Variants in ARID1A observed in about 807,000 individuals in gnomAD.
The protein encoded by ARID1A is AT-rich interactive domain-containing protein 1A.
A neutral mutation model predicts 212.6 loss-of-function variants in ARID1A; 20 were observed. The ratio of observed to expected loss-of-function variants is 0.09; its 90% CI spans 0.07 to 0.14. The LOEUF (loss-of-function observed/expected upper bound fraction) is 0.14, where lower values mean the gene tolerates loss of function less well. ARID1A is among the 10% of genes least tolerant of loss of function. The probability of loss-of-function intolerance (pLI) is 1.00; values close to 1 mark genes in which losing one functional copy is unlikely to be tolerated. For missense variants in ARID1A, 2,587 were observed against 3,059.0 expected, an observed-to-expected ratio of 0.85 and a Z score of 3.64; for synonymous variants, 1,376 against 1,222.1, an observed-to-expected ratio of 1.13 and a Z score of -2.63.
In ARID1A at chr1:26,732,764, G is replaced by C. The variant is rs748512916; in HGVS notation, c.1892G>C (p.Ser631Thr). Residue 631 changes from serine (S) to threonine (T), a missense_variant, in exon 4 of 20, where the codon AGC (serine) becomes ACC (threonine). Around this residue, in one of 11 missense-constraint regions of ARID1A, gnomAD observed 674 missense variants for 813.4 expected, o/e 0.83. Coordinates refer to ENST00000324856, the MANE Select transcript of ARID1A (RefSeq NM_006015.6). ...GGAGGGCAAGAAGATATGAACCTGA[G>C]CCTTCAGTCAAGACCCTCCAGCTTG... The part of the protein sequence containing the change: ...SKGGQEDMNL[S>T]LQSRPSSLPD... The C allele has an allele frequency of 3.9e-5, 63 of 1,613,938 alleles. No homozygotes were observed. Among genetic ancestry groups the C allele is most frequent in the Non-Finnish European group, 5.1e-5 (60 of 1,179,936 alleles).
Position 26,761,365 on chromosome 1 carries a change from T to A in ARID1A, c.2162-19T>A, listed in dbSNP as rs201805536. 2.5e-6 allele frequency: 4 copies of A among 1,613,598 alleles called. No individual in the cohort carries two copies. Among genetic ancestry groups the A allele is most frequent in the Non-Finnish European group, 3.4e-6 (4 of 1,179,586 alleles). On this transcript the variant is annotated intron_variant, in intron 5 of 19. Coordinates refer to ENST00000324856, the MANE Select transcript of ARID1A (RefSeq NM_006015.6). ...AGGCTTAGCCATGATATGCTTATGT[T>A]GTTCTTTGTCTGGAGCAGGCAACCA...
chr1:26,776,040 C>T (rs2081131801), intron 19 of ARID1A: 2 of 397,310 alleles, frequency 5.0e-6, no homozygotes, highest in South Asian at 2.0e-5. Flanking sequence ...TTAATAGAGA[C>T]GAGGTCTCAC....
chr1:26,700,755 C>G (rs2080324798), intron 1 of ARID1A, among the ~76,000 whole-genome samples: 1 of 152,240 alleles, frequency 6.6e-6, no homozygotes, highest in South Asian at 2.1e-4. Context: ...TATGGGAATG[C>G]CTACTGGCAG....
At position 26,696,939 on chromosome 1, in the gene ARID1A, C is replaced by A; in HGVS notation, c.536C>A (p.Pro179His). ...FHQQHGGQQS[P>H]GLAALQSGGG... ...CAACAACATGGCGGACAACAAAGCC[C>A]TGGCCTGGCAGCGCTGCAGAGCGGC... is the stretch of plus-strand genomic sequence containing the variant. The change falls in exon 1 of 20, where the codon CCT (proline) becomes CAT (histidine). Residue 179 changes from proline (P) to histidine (H), a missense_variant. Physicochemically the swap from Pro to His is moderately conservative, Grantham distance 77 (BLOSUM62 -2). This residue lies in a region of ARID1A where 735 missense variants were observed against 590.6 expected (regional missense o/e 1.24). Transcript: ENST00000324856. 4 of 1,450,772 alleles carry A rather than the reference C, an allele frequency of 2.8e-6. No individual in the cohort carries two copies. Among genetic ancestry groups the A allele is most frequent in the Non-Finnish European group, 3.6e-6 (4 of 1,108,262 alleles). The allele number at this position is 1,450,772 out of a possible 1,614,324, so 89.9% of individuals were successfully genotyped here.
chr1:26,697,333 C>T lies in ARID1A; in HGVS notation c.930C>T (p.Gly310=). 3.0e-6 allele frequency: 4 copies of T among 1,336,306 alleles called. No homozygotes were observed. Among genetic ancestry groups the T allele is most frequent in the African/African-American group, 1.5e-5 (1 of 65,290 alleles). 82.8% of individuals were successfully genotyped at this position (1,336,306 alleles called of 1,614,324 possible). ...CCAGCTCGGCCCGGGGCTACCAGGG[C>T]TACCCCGGGGGCGACTACAGTGGCG... ...TSPSSARGYQ[G]YPGGDYSGGP... Residue 310 remains glycine (G), a synonymous_variant, in exon 1 of 20, where the codon GGC becomes GGT. Transcript: ENST00000324856.
chr1:26,707,662 G>C (rs752041062), intron 1 of ARID1A, among the ~76,000 whole-genome samples: 1 of 152,116 alleles, frequency 6.6e-6, no homozygotes, highest in African/African-American at 2.4e-5. Flanking sequence ...ACTTTCAAAT[G>C]ATGGCCACCA....
chr1:26,717,890 ATC>A (rs2080518466), intron 1 of ARID1A, among the ~76,000 whole-genome samples: 1 of 152,198 alleles, frequency 6.6e-6, no homozygotes, highest in Non-Finnish European at 1.5e-5. Context: ...AGGTAGAAGG[ATC>A]TATGAATACA....
intron 1 of ARID1A, among the ~76,000 whole-genome samples, chr1:26,712,792 G>C (rs897171647): frequency 1.3e-5 from 2 of 152,210 alleles, no homozygotes; most frequent in Admixed American, 6.5e-5. Flanking sequence ...TTTGAGCCAA[G>C]ACCTGTCTCC....
intron 3 of ARID1A, 23 bp from the exon 4 acceptor site, chr1:26,732,653 A>G (rs1432683558): frequency 6.4e-7 from 1 of 1,573,684 alleles, no homozygotes; most frequent in South Asian, 1.1e-5. Context: ...AGGCCATCAC[A>G]GCTTTTGTTT....
At chr1:26,729,424 C>T in intron 1 of ARID1A, 1 of 559,144 alleles carries the variant, frequency 1.8e-6, no homozygotes, top group Non-Finnish European at 3.2e-6. Flanking sequence ...TTTTAGCTTA[C>T]AAGGTGTTTT....
chr1:26,754,494 TA>T (rs975218133), intron 4 of ARID1A, among the ~76,000 whole-genome samples: 8 of 152,214 alleles, frequency 5.3e-5, no homozygotes, highest in Non-Finnish European at 8.8e-5. Context: ...CATATGGTGC[TA>T]GGGGGGATTC....
chr1:26,769,891 G>A (rs1034252602), intron 11 of ARID1A: 4 of 152,390 alleles, frequency 2.6e-5, no homozygotes, highest in African/African-American at 4.8e-5. Context: ...AGAACTGTAG[G>A]TTGGCTGCTC....
chr1:26,729,964 A>G lies in ARID1A; in HGVS notation c.1350+101A>G, dbSNP rs562541169. On this transcript the variant is annotated intron_variant, in intron 2 of 19. Coordinates refer to ENST00000324856, the MANE Select transcript of ARID1A (RefSeq NM_006015.6). ...ATCCTTGGCTTCCAAGCCTCTTGAC[A>G]GGAATGTAGACCTGTTGGCTCAGTT... 1.5e-5 allele frequency: 20 copies of G among 1,379,090 alleles called. No individual in the cohort carries two copies. In the South Asian group the frequency reaches 2.6e-4, roughly 18 times the overall value. The allele number at this position is 1,379,090 out of a possible 1,614,324, so 85.4% of individuals were successfully genotyped here. A position where few individuals can be genotyped will look rare whatever the true frequency, so the allele number is the denominator to read the frequency against.
chr1:26,738,471 G>A (rs960696429), intron 4 of ARID1A, among the ~76,000 whole-genome samples: 3 of 152,172 alleles, frequency 2.0e-5, no homozygotes, highest in Non-Finnish European at 2.9e-5. Flanking sequence ...TTGCCATAGT[G>A]CCTGGCATAT....
chr1:26,746,223 A>G (rs1033851167), intron 4 of ARID1A, among the ~76,000 whole-genome samples: 30 of 152,236 alleles, frequency 2.0e-4, no homozygotes, highest in African/African-American at 6.3e-4. Context: ...CCAGAAGGAT[A>G]TAAGAAGCAT....
At chr1:26,730,388 A>G (rs2080662920) in intron 2 of ARID1A, among the ~76,000 whole-genome samples, 1 of 152,232 alleles carries the variant, frequency 6.6e-6, no homozygotes, top group African/African-American at 2.4e-5. Flanking sequence ...TTGTCGAACC[A>G]TTCACATCAT....
intron 11 of ARID1A, chr1:26,769,211 T>A (rs1429332157): frequency 1.3e-5 from 2 of 152,174 alleles, no homozygotes; most frequent in East Asian, 3.9e-4. Flanking sequence ...TTCGCTCACT[T>A]CTGATTGGGT....
In ARID1A at chr1:26,775,182, T is replaced by C. The variant is rs376792436; in HGVS notation, c.4955T>C (p.Val1652Ala). The change falls in exon 18 of 20, where the codon GTG becomes GCG. Residue 1652 changes from valine to alanine, a missense_variant. Physicochemically the swap from Val to Ala is moderately conservative, Grantham distance 64. Coordinates refer to ENST00000324856, the MANE Select transcript of ARID1A (RefSeq NM_006015.6). ...PPGSVEATQP[V>A]LKQRRRLTMK... is the part of the protein sequence containing the mutation. ...GGCTCTGTTGAAGCCACACAGCCTG[T>C]GTTGAAGCAGAGGAGGCGGCTCACA... 13 of 1,602,990 alleles carry C rather than the reference T, an allele frequency of 8.1e-6. No individual in the cohort carries two copies. In the South Asian group the frequency reaches 1.2e-4, roughly 15 times the overall value.
Position 26,696,674 on chromosome 1 carries a change from G to A in ARID1A, c.271G>A (p.Gly91Ser), listed in dbSNP as rs759804422. 1.5e-6 allele frequency: 2 copies of A among 1,323,224 alleles called. No individual in the cohort carries two copies. The highest frequency in any genetic ancestry group is 4.3e-5 in the South Asian group (2 of 46,836). 82.0% of individuals were successfully genotyped at this position (1,323,224 alleles called of 1,614,324 possible). The change falls in exon 1 of 20, where the codon GGC becomes AGC. Residue 91 changes from glycine (G) to serine (S), a missense_variant. Gly to Ser is a moderately conservative substitution (Grantham distance 56). Transcript: ENST00000324856. Reference sequence around the variant, plus strand: ...TGGCGGCGGCGGCGGAGCCGGCAGCGGCGGCGGGCCCGGCGCGGAGCCGGA... The same window carrying A: ...TGGCGGCGGCGGCGGAGCCGGCAGCAGCGGCGGGCCCGGCGCGGAGCCGGA... Reference protein sequence around the residue: ...GGGGGGGAGSGGGPGAEPDLK... With the variant: ...GGGGGGGAGSSGGPGAEPDLK...
Sources: gnomAD v4.1 joint callset for allele counts (sites outside exome capture counted in the v4.1 genomes callset) on GRCh38, gnomAD v4.1.1 for gene constraint, gnomAD v4.1.1 regional missense constraint, MANE v1.5 for transcripts, NCBI Gene and HGNC (gene_info 2026-07-23, HGNC 2026-07-21) for gene names.